The following DENND3 variants were observed in gnomAD, a reference collection of about 807,000 sequenced individuals.
DENND3 encodes DENN domain-containing protein 3.
In DENND3, 88 loss-of-function variants were observed where a neutral mutation model predicts 135.1. The ratio of observed to expected loss-of-function variants is 0.65; its 90% CI spans 0.55 to 0.78. The LOEUF (loss-of-function observed/expected upper bound fraction) is 0.78. Among genes scored for constraint, DENND3 ranks in the 30% least tolerant of loss-of-function variants. DENND3 has a pLI of 0.00. For missense variants in DENND3, 1,392 were observed against 1,688.4 expected, an observed-to-expected ratio of 0.82 and a Z score of 3.08; for synonymous variants, 693 against 712.3, an observed-to-expected ratio of 0.97 and a Z score of 0.43.
rs1271239123 is a variant in DENND3, at chr8:141,174,356, G to A, written c.2276-844G>A. Among the ~76,000 whole-genome samples the A allele has an allele frequency of 6.6e-6, 1 of 152,156 alleles. No homozygotes were observed. Among genetic ancestry groups the A allele is most frequent in the African/African-American group, 2.4e-5 (1 of 41,430 alleles). ...AGGAGCCACTGAGGAGGGTTTTCCT[G>A]TGCAGAACTGAGGGGGACTTGCTGC... On this transcript the variant is annotated intron_variant, in intron 13 of 22. Coordinates refer to ENST00000519811, the MANE Select transcript of DENND3 (RefSeq NM_001352890.3). The surrounding 1 kb of genome is among the most constrained non-coding windows in gnomAD (Gnocchi z 4.6).
At chr8:141,135,029 C>T (rs893566082) in intron 1 of DENND3, among the ~76,000 whole-genome samples, 35 of 152,050 alleles carry the variant, frequency 2.3e-4, no homozygotes, top group African/African-American at 6.8e-4. Flanking sequence ...TTAGTAGAGA[C>T]GGGGTTTCAC....
rs200344123 is a variant in DENND3 at position 141,141,244 on chromosome 8, T to C, written c.543T>C (p.Cys181=). Residue 181 remains cysteine (C), a synonymous_variant, in exon 4 of 23, where the codon TGT becomes TGC. Transcript: ENST00000519811. The surrounding 1 kb of genome is among the most constrained non-coding windows in gnomAD (Gnocchi z 5.3). ...ACAATGGCAAAACGCACCGGGAGTG[T>C]CCTGGCTGCTTCGTGCCCTTCGCGG... ...CFYNGKTHRE[C]PGCFVPFAVC... 6.2e-7 allele frequency: 1 copy of C among 1,614,220 alleles called. No individual in the cohort carries two copies. The highest frequency in any genetic ancestry group is 8.5e-7 in the Non-Finnish European group (1 of 1,180,032).
At position 141,136,578 on chromosome 8, in the gene DENND3, C is replaced by T. The variant is rs1485922983; in HGVS notation, c.172C>T (p.Pro58Ser). 1 of 1,577,798 alleles carries T rather than the reference C, an allele frequency of 6.3e-7. No individual in the cohort carries two copies. Among genetic ancestry groups the T allele is most frequent in the Non-Finnish European group, 8.6e-7 (1 of 1,161,766 alleles). ...LDPEVLSIFV[P>S]PFISKEDSQM... ...TCCAGAGGTCCTGTCCATTTTCGTG[C>T]CTCCTTTTATCAGTAAAGAGGACAG... The change falls in exon 2 of 23, where the codon CCT (proline) becomes TCT (serine). Residue 58 changes from proline to serine, a missense_variant. Transcript: ENST00000519811.
At position 141,166,385 on chromosome 8, in the gene DENND3, C is replaced by T. The variant is rs137882030; in HGVS notation, c.1749C>T (p.Ser583=). 2.2e-4 allele frequency: 358 copies of T among 1,610,764 alleles called. No homozygotes were observed. The highest frequency in any genetic ancestry group is 6.9e-4 in the East Asian group (31 of 44,878). The change falls in exon 12 of 23, where the codon AGC becomes AGT. Residue 583 remains serine, a synonymous_variant. Coordinates refer to ENST00000519811, the MANE Select transcript of DENND3 (RefSeq NM_001352890.3). This position sits in a 1 kb window ranked among gnomAD's most constrained non-coding sequence, Gnocchi z 4.3. The part of the protein sequence containing the change: ...LTDTAGCRGS[S]AVLNVTPKSP... ...ACACCGCAGGCTGTAGGGGCAGCAGCGCAGGTGAGGGCTGCCCCCCACTGT... is the reference window on the plus strand; with the variant it reads ...ACACCGCAGGCTGTAGGGGCAGCAGTGCAGGTGAGGGCTGCCCCCCACTGT...
chr8:141,132,385 T>A lies in DENND3; in HGVS notation c.102+3576T>A, dbSNP rs114303472. ...TATTTTTTTTTGTGGGGGATGGAGT[T>A]TCACGCTTGTTGCCCAGGCTGGAGT... is the stretch of plus-strand genomic sequence containing the variant. On this transcript the variant is annotated intron_variant, in intron 1 of 22. Coordinates refer to ENST00000519811, the MANE Select transcript of DENND3 (RefSeq NM_001352890.3). Among the ~76,000 whole-genome samples the A allele has an allele frequency of 8.5e-3, 1,288 of 152,218 alleles. 16 individuals carry two copies. Among genetic ancestry groups the A allele is most frequent in the African/African-American group, 0.03 (1,231 of 41,506 alleles).
rs573079834 is a variant in DENND3 at position 141,194,449 on chromosome 8, C to T, written c.*216C>T. ...TGGTTAAACTGCACCAAGGGTGTTTCCTGTTGGGGTGTGTCTCAGGCAGGC... is the reference window on the plus strand; with the variant it reads ...TGGTTAAACTGCACCAAGGGTGTTTTCTGTTGGGGTGTGTCTCAGGCAGGC... On this transcript the variant is annotated 3_prime_UTR_variant, in exon 23 of 23. Coordinates refer to ENST00000519811, the MANE Select transcript of DENND3 (RefSeq NM_001352890.3). 1.1e-3 allele frequency: 637 copies of T among 586,698 alleles called. 11 individuals are homozygous for T. In the South Asian group the frequency reaches 0.011, roughly 11 times the overall value. The allele number at this position is 586,698 out of a possible 1,614,324, so 36.3% of individuals were successfully genotyped here. A position where few individuals can be genotyped will look rare whatever the true frequency, so the allele number is the denominator to read the frequency against.
In DENND3 at chr8:141,141,114, G is replaced by T. The variant is rs1695300150; in HGVS notation, c.502-89G>T. ...GGTGGGGATGGTGGACTCTCAGCTT[G>T]CTGTGTGCTGAAACGTGACCCAGTT... On this transcript the variant is annotated intron_variant, in intron 3 of 22. Transcript: ENST00000519811. This position sits in a 1 kb window ranked among gnomAD's most constrained non-coding sequence, Gnocchi z 5.3. 5 of 1,592,816 alleles carry T rather than the reference G, an allele frequency of 3.1e-6. No individual in the cohort carries two copies. Among genetic ancestry groups the T allele is most frequent in the Non-Finnish European group, 4.3e-6 (5 of 1,166,578 alleles).
At chr8:141,145,830 TATATATA>T (rs1818004464) in intron 5 of DENND3, among the ~76,000 whole-genome samples, 6 of 86,918 alleles carry the variant, frequency 6.9e-5, no homozygotes, top group African/African-American at 4.3e-4. Flanking sequence ...TATATATATA[TATATATA>T]TATATATATA....
intron 19 of DENND3, 74 bp downstream of exon 19, chr8:141,189,220 C>A: frequency 6.3e-7 from 1 of 1,599,372 alleles, no homozygotes. Context: ...GGTAGGGTTC[C>A]CAAGTCTTGT....
chr8:141,191,439 G>A (rs968011950), intron 20 of DENND3: 1 of 152,250 alleles, frequency 6.6e-6, no homozygotes, highest in African/African-American at 2.4e-5. Context: ...GCCCCAAGTG[G>A]GCACTGGGTT....
At position 141,175,644 on chromosome 8, in the gene DENND3, G is replaced by C; in HGVS notation, c.2535+185G>C. On this transcript the variant is annotated intron_variant, in intron 14 of 22. Transcript: ENST00000519811. This position sits in a 1 kb window ranked among gnomAD's most constrained non-coding sequence, Gnocchi z 5.4. ...TAGGAATAAGGCTGATACCTTCTCAGTGGGTGGTGGAGATTGAATAGTTTG... is the reference window on the plus strand; with the variant it reads ...TAGGAATAAGGCTGATACCTTCTCACTGGGTGGTGGAGATTGAATAGTTTG... 1.2e-6 allele frequency: 1 copy of C among 828,430 alleles called. No homozygotes were observed. The highest frequency in any genetic ancestry group is 1.5e-5 in the South Asian group (1 of 68,016). 51.3% of individuals were successfully genotyped at this position (828,430 alleles called of 1,614,324 possible). A position where few individuals can be genotyped will look rare whatever the true frequency, so the allele number is the denominator to read the frequency against.
intron 17 of DENND3, among the ~76,000 whole-genome samples, chr8:141,181,345 G>A (rs1259439437): frequency 6.6e-6 from 1 of 152,156 alleles, no homozygotes; most frequent in Non-Finnish European, 1.5e-5. Flanking sequence ...ACTTTCTAAA[G>A]CACTCTTGCT....
At chr8:141,159,365 TC>T (rs1157752918) in intron 8 of DENND3, among the ~76,000 whole-genome samples, 1 of 151,892 alleles carries the variant, frequency 6.6e-6, no homozygotes, top group Admixed American at 6.6e-5. Flanking sequence ...ACACTCCCAC[TC>T]CCCCTACCAT....
intron 18 of DENND3, among the ~76,000 whole-genome samples, chr8:141,187,811 G>A (rs1824099427): frequency 6.6e-6 from 1 of 152,172 alleles, no homozygotes; most frequent in Non-Finnish European, 1.5e-5. Context: ...GTCTAGTAAT[G>A]CTTTAAACCA....
At chr8:141,192,726 C>A in intron 22 of DENND3, 63 bp downstream of exon 22, 1 of 1,608,992 alleles carries the variant, frequency 6.2e-7, no homozygotes. Context: ...TGGCCGCATC[C>A]CCATGCTCCC....
At chr8:141,145,828 TATATA>T (rs1817997950) in intron 5 of DENND3, among the ~76,000 whole-genome samples, 1 of 90,706 alleles carries the variant, frequency 1.1e-5, no homozygotes, top group African/African-American at 6.4e-5. Context: ...TATATATATA[TATATA>T]TATATATATA....
intron 4 of DENND3, 159 bp from the exon 5 acceptor site, chr8:141,143,989 T>C (rs548216111): frequency 1.2e-3 from 711 of 600,748 alleles, no homozygotes; most frequent in Non-Finnish European, 1.8e-3. Context: ...GGGGCCACTC[T>C]GCTGTCACCC....
At chr8:141,173,597 GC>G (rs1179030372) in intron 13 of DENND3, 1 of 152,268 alleles carries the variant, frequency 6.6e-6, no homozygotes, top group African/African-American at 2.4e-5. Context: ...CTCAACTGTG[GC>G]CATGATAGCG....
intron 1 of DENND3, among the ~76,000 whole-genome samples, chr8:141,133,192 G>A (rs1405788666): frequency 6.6e-6 from 1 of 152,110 alleles, no homozygotes; most frequent in Non-Finnish European, 1.5e-5. Flanking sequence ...TGAGCCCATG[G>A]AAGAGCAGGG....
Sources: allele counts gnomAD v4.1 joint callset (sites outside exome capture counted in the v4.1 genomes callset), GRCh38; gene constraint gnomAD v4.1.1; non-coding constraint Gnocchi (gnomAD v3.1); transcripts MANE v1.5; gene names NCBI Gene and HGNC (gene_info 2026-07-23, HGNC 2026-07-21).